Variants in ANKH observed in about 807,000 individuals in gnomAD.
ANKH encodes mineralization regulator ANKH.
In ANKH, 15 loss-of-function variants were observed where a neutral mutation model predicts 49.0. The observed-to-expected ratio is 0.31, with a 90% CI of 0.20 to 0.47. The LOEUF (loss-of-function observed/expected upper bound fraction) is 0.47. ANKH is among the 20% of genes least tolerant of loss of function. The pLI is 1.00. For synonymous variants in ANKH, 273 were observed against 260.0 expected, an observed-to-expected ratio of 1.05 and a Z score of -0.48; for missense variants, 429 against 652.0, an observed-to-expected ratio of 0.66 and a Z score of 3.72.
rs544580063 is a variant in ANKH, at chr5:14,867,705, A to G, written c.96+3647T>C. ...CTCCCGAGTAGCTGGGACTACAGGC[A>G]CCCGCCACCGCGCCTGGCTAATTTT... On this transcript the variant is annotated intron_variant, in intron 1 of 11. Coordinates refer to ENST00000284268, the MANE Select transcript of ANKH (RefSeq NM_054027.6). Among the ~76,000 whole-genome samples the G allele has an allele frequency of 1.4e-3, 219 of 152,118 alleles. 2 individuals are homozygous for G. The highest frequency in any genetic ancestry group is 0.01 in the Middle Eastern group (3 of 292).
chr5:14,768,840 A>G, intron 2 of ANKH, 135 bp downstream of exon 2: 2 of 989,414 alleles, frequency 2.0e-6, no homozygotes, highest in Non-Finnish European at 3.2e-6. Context: ...CTTTCCTTCT[A>G]TCCCCTGAAA....
At chr5:14,811,936 A>G (rs530870436) in intron 1 of ANKH, among the ~76,000 whole-genome samples, 6 of 152,090 alleles carry the variant, frequency 3.9e-5, no homozygotes, top group Non-Finnish European at 8.8e-5. Context: ...AAATAACACC[A>G]CTGTGGCTCA....
chr5:14,808,435 A>C (rs1237202580), intron 1 of ANKH, among the ~76,000 whole-genome samples: 1 of 152,146 alleles, frequency 6.6e-6, no homozygotes, highest in Non-Finnish European at 1.5e-5. Context: ...CATTCTCATC[A>C]CTTACATTCT....
intron 1 of ANKH, among the ~76,000 whole-genome samples, chr5:14,830,304 G>A (rs1391079104): frequency 6.6e-6 from 1 of 152,188 alleles, no homozygotes; most frequent in Admixed American, 6.5e-5. Context: ...CTTGCCCCGT[G>A]TTGAACTTAC....
chr5:14,854,951 C>A (rs769550036), intron 1 of ANKH, among the ~76,000 whole-genome samples: 3 of 152,126 alleles, frequency 2.0e-5, no homozygotes, highest in Non-Finnish European at 2.9e-5. Flanking sequence ...TCTGAGCACA[C>A]CACACCCTAC....
intron 2 of ANKH, among the ~76,000 whole-genome samples, chr5:14,761,269 T>C (rs1703103016): frequency 6.6e-6 from 1 of 152,202 alleles, no homozygotes; most frequent in African/African-American, 2.4e-5. Flanking sequence ...TTTCTGTTGC[T>C]TAAACCACCT....
At chr5:14,829,184 C>CAAAAAAAAAAAAAAAAAAAAAA (rs56223225) in intron 1 of ANKH, among the ~76,000 whole-genome samples, 1 of 106,022 alleles carries the variant, frequency 9.4e-6, no homozygotes, top group African/African-American at 3.5e-5. Flanking sequence ...GACTCTGTCT[C>CAAAAAAAAAAAAAAAAAAAAAA]AAAAAAAAAA....
At chr5:14,747,421 G>C (rs1278366006) in intron 6 of ANKH, among the ~76,000 whole-genome samples, 1 of 152,016 alleles carries the variant, frequency 6.6e-6, no homozygotes, top group Non-Finnish European at 1.5e-5. Context: ...CTCTACAAAA[G>C]AAATTCAAAT....
intron 1 of ANKH, among the ~76,000 whole-genome samples, chr5:14,822,598 G>C (rs1031295760): frequency 6.6e-6 from 1 of 152,074 alleles, no homozygotes; most frequent in Non-Finnish European, 1.5e-5. Flanking sequence ...TCATGACATA[G>C]AGCACACATT....
Position 14,871,671 on chromosome 5 carries a change from T to G in ANKH, c.-224A>C, listed in dbSNP as rs935943761. 3 of 158,288 alleles carry G rather than the reference T, an allele frequency of 1.9e-5. No homozygotes were observed. The highest frequency in any genetic ancestry group is 7.3e-5 in the African/African-American group (3 of 40,960). 9.8% of individuals were successfully genotyped at this position (158,288 alleles called of 1,614,324 possible). A position where few individuals can be genotyped will look rare whatever the true frequency, so the allele number is the denominator to read the frequency against. ...TCCGCAAGCTCAAGTCCATCCCTGC[T>G]GCCCTCCCACACAACAAAGATCTGC... On this transcript the variant is annotated 5_prime_UTR_variant, in exon 1 of 12. Coordinates refer to ENST00000284268, the MANE Select transcript of ANKH (RefSeq NM_054027.6).
At chr5:14,720,290 A>G (rs1737618930) in intron 8 of ANKH, among the ~76,000 whole-genome samples, 1 of 152,242 alleles carries the variant, frequency 6.6e-6, no homozygotes, top group Non-Finnish European at 1.5e-5. Flanking sequence ...CATCTTTGAC[A>G]TGAAGGAAAA....
intron 1 of ANKH, among the ~76,000 whole-genome samples, chr5:14,802,950 T>G (rs1416393159): frequency 2.0e-5 from 3 of 152,208 alleles, no homozygotes; most frequent in Non-Finnish European, 4.4e-5. Flanking sequence ...AGCAGGGATG[T>G]TAAATTAACC....
chr5:14,827,436 G>T (rs1330683031), intron 1 of ANKH, among the ~76,000 whole-genome samples: 1 of 152,180 alleles, frequency 6.6e-6, no homozygotes, highest in Non-Finnish European at 1.5e-5. Flanking sequence ...GCTAGTCTAG[G>T]CCTTTTAAAG....
rs374637204 is a variant in ANKH, at chr5:14,811,385, T to A, written c.97-42194A>T. On this transcript the variant is annotated intron_variant, in intron 1 of 11. Transcript: ENST00000284268. ...CCACTGGCCACTCAGACACACACTT[T>A]CCACACGAAGCCTCCATGTGCAACT... is the stretch of plus-strand genomic sequence containing the variant. Among the ~76,000 whole-genome samples the A allele has an allele frequency of 4.6e-5, 7 of 152,262 alleles. No homozygotes were observed. The East Asian group carries it at 1.2e-3, about 25-fold the overall frequency.
chr5:14,871,511 AGGGGCGACG>A lies in ANKH; in HGVS notation c.-73_-65del. ...CGCGAGGGGACTCTGCGGGGAGGCG[AGGGGCGACG>A]GGGCGACGGGGCGAGCGGGGCGCGG... On this transcript the variant is annotated 5_prime_UTR_variant, in exon 1 of 12. Transcript: ENST00000284268. 1 of 1,168,262 alleles carries A rather than the reference AGGGGCGACG, an allele frequency of 8.6e-7. No individual in the cohort carries two copies. Among genetic ancestry groups the A allele is most frequent in the Non-Finnish European group, 1.2e-6 (1 of 836,444 alleles). 72.4% of individuals were successfully genotyped at this position (1,168,262 alleles called of 1,614,324 possible). A position where few individuals can be genotyped will look rare whatever the true frequency, so the allele number is the denominator to read the frequency against.
chr5:14,778,668 G>A (rs115990542), intron 1 of ANKH, among the ~76,000 whole-genome samples: 1,706 of 151,944 alleles, frequency 0.011, 31 homozygotes, highest in African/African-American at 0.039. Context: ...CCCTCTCATC[G>A]CTCCTCCTGT....
chr5:14,793,021 A>AAATAT (rs1444535355), intron 1 of ANKH, among the ~76,000 whole-genome samples: 2 of 68,360 alleles, frequency 2.9e-5, no homozygotes, highest in South Asian at 4.4e-4. Flanking sequence ...TATATATATA[A>AAATAT]ATATATATAT....
At chr5:14,767,526 A>C (rs2126509240) in intron 2 of ANKH, among the ~76,000 whole-genome samples, 1 of 152,344 alleles carries the variant, frequency 6.6e-6, no homozygotes, top group Admixed American at 6.5e-5. Flanking sequence ...TAAAATTGAA[A>C]AACTAAAATG....
chr5:14,871,275 C>G, intron 1 of ANKH, 77 bp downstream of exon 1: 1 of 1,301,452 alleles, frequency 7.7e-7, no homozygotes, highest in Non-Finnish European at 1.1e-6. Flanking sequence ...GAGCAGGTGA[C>G]TCCCCTCCGC....
Sources: allele counts gnomAD v4.1 joint callset (sites outside exome capture counted in the v4.1 genomes callset), GRCh38; gene constraint gnomAD v4.1.1; transcripts MANE v1.5; gene names NCBI Gene and HGNC (gene_info 2026-07-23, HGNC 2026-07-21).